The following FAM53B variants were observed in gnomAD, a reference collection of about 807,000 sequenced individuals.
FAM53B encodes protein FAM53B.
A neutral mutation model predicts 32.7 loss-of-function variants in FAM53B; 12 were observed. That is an observed-to-expected ratio of 0.37 (90% CI 0.24 to 0.59). The LOEUF (loss-of-function observed/expected upper bound fraction) is 0.59, where lower values mean the gene tolerates loss of function less well. Ranked by LOEUF, FAM53B falls within the 20% of genes least tolerant of loss-of-function variation. The pLI is 0.72. For synonymous variants in FAM53B, 234 were observed against 228.7 expected (o/e 1.02, Z -0.21); for missense variants, 477 against 577.7 (o/e 0.83, Z 1.79).
At chr10:124,711,445 T>C (rs893581502) in intron 1 of FAM53B, among the ~76,000 whole-genome samples, 2 of 152,032 alleles carry the variant, frequency 1.3e-5, no homozygotes, top group African/African-American at 4.8e-5. Context: ...ATTAGTTTGG[T>C]AGGATTTACC....
chr10:124,711,619 TAA>T (rs772847174), intron 1 of FAM53B, among the ~76,000 whole-genome samples: 5 of 152,242 alleles, frequency 3.3e-5, no homozygotes, highest in African/African-American at 1.2e-4. Context: ...ATGCTATATA[TAA>T]GTTTTTAAAA....
chr10:124,727,041 C>T (rs1287715226), intron 1 of FAM53B, among the ~76,000 whole-genome samples: 1 of 152,078 alleles, frequency 6.6e-6, no homozygotes, highest in Non-Finnish European at 1.5e-5. Context: ...TATTTGGAGA[C>T]AGGGTCTCAC....
chr10:124,666,567 G>C (rs77380458), intron 4 of FAM53B, among the ~76,000 whole-genome samples: 2 of 152,166 alleles, frequency 1.3e-5, no homozygotes, highest in African/African-American at 4.8e-5. Flanking sequence ...GGCCTGTCAT[G>C]CTGCAAAGCT....
intron 1 of FAM53B, among the ~76,000 whole-genome samples, chr10:124,710,322 C>T (rs1453317014): frequency 2.0e-5 from 3 of 152,244 alleles, no homozygotes; most frequent in Non-Finnish European, 4.4e-5. Flanking sequence ...ACCACGATCC[C>T]TCACATACCC....
intron 1 of FAM53B, among the ~76,000 whole-genome samples, chr10:124,735,360 C>CT (rs1326998828): frequency 6.6e-6 from 1 of 152,168 alleles, no homozygotes. Flanking sequence ...AAGTAAATCA[C>CT]TTTTGGTAAA....
Position 124,623,317 on chromosome 10 carries a change from C to A in FAM53B, c.1194G>T (p.Arg398=). Residue 398 remains arginine, a synonymous_variant, in exon 5 of 5, where the codon CGG becomes CGT. Coordinates refer to ENST00000337318, the MANE Select transcript of FAM53B (RefSeq NM_014661.4). Reference sequence around the variant, plus strand: ...GGCTGTTCCCAGGGGCCCCGCGGTCCCGCCAGGCTGCAGCCGGCTCCGCTC... The same window carrying A: ...GGCTGTTCCCAGGGGCCCCGCGGTCACGCCAGGCTGCAGCCGGCTCCGCTC... ...GRRAEPAAAW[R]DRGAPGNSLC... is the part of the protein sequence containing the mutation. 6.2e-7 allele frequency: 1 copy of A among 1,612,528 alleles called. No homozygotes were observed. Among genetic ancestry groups the A allele is most frequent in the South Asian group, 1.1e-5 (1 of 91,066 alleles).
chr10:124,685,892 T>C (rs1396019838), intron 3 of FAM53B, among the ~76,000 whole-genome samples: 3 of 152,172 alleles, frequency 2.0e-5, no homozygotes, highest in Admixed American at 2.0e-4. Flanking sequence ...AGCCCCCACC[T>C]ATTGTGGCCC....
At chr10:124,625,690 C>G (rs977484032) in intron 4 of FAM53B, among the ~76,000 whole-genome samples, 3 of 152,214 alleles carry the variant, frequency 2.0e-5, no homozygotes, top group Non-Finnish European at 4.4e-5. Context: ...CTCTGAGGCT[C>G]CTCCTGCTTC....
At chr10:124,699,511 G>A (rs1358769812) in intron 2 of FAM53B, among the ~76,000 whole-genome samples, 3 of 152,258 alleles carry the variant, frequency 2.0e-5, no homozygotes, top group Non-Finnish European at 4.4e-5. Context: ...CAGCAATGGT[G>A]CACACTATGA....
intron 4 of FAM53B, among the ~76,000 whole-genome samples, chr10:124,669,727 T>C (rs916732295): frequency 6.6e-6 from 1 of 152,056 alleles, no homozygotes; most frequent in African/African-American, 2.4e-5. Context: ...TATGGAGACA[T>C]GGGGGCCCAC....
chr10:124,722,587 GA>G (rs1950076065), intron 1 of FAM53B, among the ~76,000 whole-genome samples: 1 of 152,210 alleles, frequency 6.6e-6, no homozygotes. Context: ...GACTCTTCAA[GA>G]AATGGCTTTT....
intron 4 of FAM53B, among the ~76,000 whole-genome samples, chr10:124,631,020 G>A (rs1949387367): frequency 6.6e-6 from 1 of 152,216 alleles, no homozygotes; most frequent in Admixed American, 6.5e-5. Context: ...CCCAGGTGGT[G>A]CCAGAGCCAG....
At chr10:124,655,502 G>A (rs924901983) in intron 4 of FAM53B, among the ~76,000 whole-genome samples, 1 of 152,032 alleles carries the variant, frequency 6.6e-6, no homozygotes, top group Non-Finnish European at 1.5e-5. Context: ...GGGATGCCGA[G>A]GAATGAGGAA....
At position 124,623,196 on chromosome 10, in the gene FAM53B, G is replaced by C; in HGVS notation, c.*46C>G. 6 of 1,526,406 alleles carry C rather than the reference G, an allele frequency of 3.9e-6. 1 individual carries two copies. Among genetic ancestry groups the C allele is most frequent in the Non-Finnish European group, 5.3e-6 (6 of 1,136,338 alleles). 94.6% of individuals were successfully genotyped at this position (1,526,406 alleles called of 1,614,324 possible). On this transcript the variant is annotated 3_prime_UTR_variant, in exon 5 of 5. Transcript: ENST00000337318. Reference sequence around the variant, plus strand: ...GGCCCACCTAGTGCCCAGAGTGGGGGCTGTCGATGCCAGCACACCCCAGCC... The same window carrying C: ...GGCCCACCTAGTGCCCAGAGTGGGGCCTGTCGATGCCAGCACACCCCAGCC...
At chr10:124,737,543 A>C (rs1286391410) in intron 1 of FAM53B, among the ~76,000 whole-genome samples, 1 of 152,204 alleles carries the variant, frequency 6.6e-6, no homozygotes, top group Non-Finnish European at 1.5e-5. Flanking sequence ...GCAGGGACTC[A>C]GGAGACAGAG....
At chr10:124,735,673 C>T (rs1950169171) in intron 1 of FAM53B, among the ~76,000 whole-genome samples, 1 of 152,214 alleles carries the variant, frequency 6.6e-6, no homozygotes, top group Non-Finnish European at 1.5e-5. Context: ...CTTCAGTCCT[C>T]GCAACAGCAC....
chr10:124,652,702 G>A (rs372816605), intron 4 of FAM53B, among the ~76,000 whole-genome samples: 1 of 152,190 alleles, frequency 6.6e-6, no homozygotes, highest in Non-Finnish European at 1.5e-5. Flanking sequence ...GCCTTGTGGT[G>A]GAGGGCCTGA....
chr10:124,649,761 T>C (rs2134049840), intron 4 of FAM53B, among the ~76,000 whole-genome samples: 1 of 152,324 alleles, frequency 6.6e-6, no homozygotes, highest in Admixed American at 6.5e-5. Flanking sequence ...GTGCACTTGA[T>C]TCTTTGTACT....
rs933529086 is a variant in FAM53B, at chr10:124,620,916, G to C, written c.*2326C>G. ...TGGGGCTGGGCTTGCTGGTCGATGG[G>C]ACCAGCTTGCGGGGAGGTGGGGAGG... is the stretch of plus-strand genomic sequence containing the variant. On this transcript the variant is annotated 3_prime_UTR_variant, in exon 5 of 5. Coordinates refer to ENST00000337318, the MANE Select transcript of FAM53B (RefSeq NM_014661.4). 1 of 152,228 alleles carries C rather than the reference G, an allele frequency of 6.6e-6. No individual in the cohort carries two copies. Among genetic ancestry groups the C allele is most frequent in the Non-Finnish European group, 1.5e-5 (1 of 68,084 alleles). 9.4% of individuals were successfully genotyped at this position (152,228 alleles called of 1,614,324 possible).
Sources: gnomAD v4.1 joint callset for allele counts (sites outside exome capture counted in the v4.1 genomes callset) on GRCh38, gnomAD v4.1.1 for gene constraint, MANE v1.5 for transcripts, NCBI Gene and HGNC (gene_info 2026-07-23, HGNC 2026-07-21) for gene names.